TEX11: variants seen among roughly 807,000 people sequenced by gnomAD.
TEX11 encodes testis expressed 11, also known as testis-expressed protein 11.
TEX11 carries 7 observed loss-of-function variants against 84.4 expected under a neutral mutation model. The ratio of observed to expected loss-of-function variants is 0.08; its 90% CI spans 0.05 to 0.16. TEX11 has a LOEUF of 0.16. Among genes scored for constraint, TEX11 ranks in the 10% least tolerant of loss-of-function variants. The pLI, the probability that TEX11 is intolerant of heterozygous loss-of-function variation, is 1.00. For missense variants in TEX11, 551 were observed against 660.5 expected, an observed-to-expected ratio of 0.83 and a Z score of 1.82; for synonymous variants, 264 against 222.8, an observed-to-expected ratio of 1.18 and a Z score of -1.64.
intron 9 of TEX11, among the ~76,000 whole-genome samples, chrX:70,753,205 G>A (rs1168322723): frequency 2.1e-5 from 2 of 94,556 alleles, no homozygotes; most frequent in East Asian, 4.1e-4. Context: ...GGTGGGGGGG[G>A]TGGGCGGCGA....
chrX:70,702,573 C>A (rs2090335461), intron 13 of TEX11, among the ~76,000 whole-genome samples: 1 of 111,657 alleles, frequency 9.0e-6, no homozygotes, highest in Non-Finnish European at 1.9e-5. Context: ...TGTTTGCCTG[C>A]ATATAGTTCT....
Position 70,722,842 on chromosome X carries a change from T to C in TEX11, c.926-146A>G, listed in dbSNP as rs1056319670. ...CCTAAAAATTTATCAAAATCTTCTT[T>C]TAAAGTATTAACATCCAGTGCTGGA... On this transcript the variant is annotated intron_variant, in intron 12 of 29. Coordinates refer to ENST00000374333, the MANE Select transcript of TEX11 (RefSeq NM_031276.3). 3 of 464,701 alleles carry C rather than the reference T, an allele frequency of 6.5e-6. No homozygotes were observed. In the African/African-American group the frequency reaches 7.3e-5, roughly 11 times the overall value. 38.3% of individuals were successfully genotyped at this position (464,701 alleles called of 1,213,427 possible).
intron 25 of TEX11, among the ~76,000 whole-genome samples, chrX:70,590,877 G>A (rs1009925670): frequency 9.0e-6 from 1 of 111,417 alleles, no homozygotes; most frequent in Admixed American, 9.5e-5. Context: ...AGCCTCCTGA[G>A]TAGCTGGGAT....
intron 17 of TEX11, among the ~76,000 whole-genome samples, chrX:70,642,395 G>A (rs969090672): frequency 9.0e-6 from 1 of 111,073 alleles, no homozygotes; most frequent in Non-Finnish European, 1.9e-5. Flanking sequence ...TAGAAAAAGA[G>A]GGAATCCTCC....
chrX:70,634,972 A>G (rs955483122), intron 17 of TEX11, among the ~76,000 whole-genome samples: 1 of 112,126 alleles, frequency 8.9e-6, no homozygotes, highest in African/African-American at 3.2e-5. Flanking sequence ...AAAAGAAAAA[A>G]TTTGCAAAAT....
At chrX:70,653,665 A>T (rs190687025) in intron 16 of TEX11, among the ~76,000 whole-genome samples, 9 of 112,069 alleles carry the variant, frequency 8.0e-5, no homozygotes, top group Non-Finnish European at 3.8e-5. Flanking sequence ...TACTCTTGCC[A>T]TACAATCCAG....
At chrX:70,803,964 C>T (rs936596735) in intron 9 of TEX11, among the ~76,000 whole-genome samples, 8 of 110,722 alleles carry the variant, frequency 7.2e-5, no homozygotes, top group South Asian at 7.6e-4. Flanking sequence ...GTTTATATAG[C>T]GAGGCTCCGC....
chrX:70,518,337 G>A, the TEX11 span, among the ~76,000 whole-genome samples: 1 of 111,791 alleles, frequency 8.9e-6, no homozygotes, highest in Non-Finnish European at 1.9e-5. Context: ...TGTTCTCACT[G>A]GTTTCAAGGA....
intron 24 of TEX11, among the ~76,000 whole-genome samples, chrX:70,603,538 A>G (rs1674485423): frequency 9.3e-6 from 1 of 107,655 alleles, no homozygotes; most frequent in African/African-American, 3.4e-5. Flanking sequence ...CTTACACCTT[A>G]TACAAAAATC....
At chrX:70,673,921 T>G (rs1161812206) in intron 15 of TEX11, among the ~76,000 whole-genome samples, 1 of 111,854 alleles carries the variant, frequency 8.9e-6, no homozygotes, top group Non-Finnish European at 1.9e-5. Flanking sequence ...ATTTTAGGTT[T>G]AGGGGTACAG....
At chrX:70,857,918 G>A (rs1347197960) in intron 5 of TEX11, among the ~76,000 whole-genome samples, 1 of 111,444 alleles carries the variant, frequency 9.0e-6, no homozygotes, top group Non-Finnish European at 1.9e-5. Flanking sequence ...ACCTGGATGA[G>A]ATTGGAGACT....
intron 15 of TEX11, among the ~76,000 whole-genome samples, chrX:70,677,136 T>C (rs768026445): frequency 4.5e-5 from 5 of 112,295 alleles, no homozygotes; most frequent in African/African-American, 1.3e-4. Flanking sequence ...CTTTATCCTG[T>C]TGGGTGCTGT....
In TEX11 at chrX:70,788,435, T is replaced by C. The variant is rs1477285203; in HGVS notation, c.692+18270A>G. Among the ~76,000 whole-genome samples the C allele has an allele frequency of 3.6e-5, 4 of 110,777 alleles. No individual in the cohort carries two copies. The East Asian group carries it at 8.5e-4, about 23-fold the overall frequency. ...AAAAAAGGATAGTCTCTTCAACAAA[T>C]GATGTTGGGAAAGCTGGATATCCAC... On this transcript the variant is annotated intron_variant, in intron 9 of 29. Coordinates refer to ENST00000374333, the MANE Select transcript of TEX11 (RefSeq NM_031276.3).
Position 70,670,527 on chromosome X carries a change from A to G in TEX11, c.1243-13T>C, listed in dbSNP as rs763286613. The G allele has an allele frequency of 8.4e-7, 1 of 1,184,204 alleles. No individual in the cohort carries two copies. Among genetic ancestry groups the G allele is most frequent in the South Asian group, 2.0e-5 (1 of 50,981 alleles). On this transcript the variant is annotated splice_polypyrimidine_tract_variant and intron_variant, in intron 15 of 29. Coordinates refer to ENST00000374333, the MANE Select transcript of TEX11 (RefSeq NM_031276.3). ...TGTAATTTTGTACCTAAAGTTTAAA[A>G]AGAAACAACAAAATCACAGCGATGT... is the stretch of plus-strand genomic sequence containing the variant.
chrX:70,783,231 C>A (rs1267016414), intron 9 of TEX11, among the ~76,000 whole-genome samples: 2 of 111,692 alleles, frequency 1.8e-5, no homozygotes, highest in Non-Finnish European at 3.8e-5. Flanking sequence ...TCAATGACTA[C>A]TGGGTAAATA....
intron 25 of TEX11, among the ~76,000 whole-genome samples, chrX:70,569,570 A>ACATCAC (rs1443386314): frequency 9.0e-6 from 1 of 111,300 alleles, no homozygotes; most frequent in East Asian, 2.8e-4. Context: ...ATGGTGATGT[A>ACATCAC]CAGATGGGTT....
At chrX:70,867,180 G>C (rs756520514) in intron 4 of TEX11, among the ~76,000 whole-genome samples, 1 of 111,702 alleles carries the variant, frequency 9.0e-6, no homozygotes, top group Non-Finnish European at 1.9e-5. Context: ...CAAAGTCTCA[G>C]GATACAAAAT....
rs533440813 is a variant in TEX11, at chrX:70,623,335, G to A, written c.1751+615C>T. ...TCAGGAGGTAGTGAGATTTGTGAACGAAAAATTGGTGACCAAAGTCTTCAA... is the reference window on the plus strand; with the variant it reads ...TCAGGAGGTAGTGAGATTTGTGAACAAAAAATTGGTGACCAAAGTCTTCAA... On this transcript the variant is annotated intron_variant, in intron 20 of 29. Transcript: ENST00000374333. 1.3e-4 allele frequency among the ~76,000 whole-genome samples: 15 copies of A among 111,613 alleles called. No homozygotes were observed. The South Asian group carries it at 4.1e-3, about 31-fold the overall frequency.
intron 27 of TEX11, 51 bp from the exon 28 acceptor site, chrX:70,552,297 T>A: frequency 8.5e-7 from 1 of 1,182,450 alleles, no homozygotes; most frequent in East Asian, 3.0e-5. Context: ...AATCATTGGC[T>A]TCATGGCTAA....
Sources: allele counts gnomAD v4.1 joint callset (sites outside exome capture counted in the v4.1 genomes callset), GRCh38; gene constraint gnomAD v4.1.1; transcripts MANE v1.5; gene names NCBI Gene and HGNC (gene_info 2026-07-23, HGNC 2026-07-21).